The following RAD50 variants were observed in gnomAD, a reference collection of about 807,000 sequenced individuals.
The protein encoded by RAD50 is DNA repair protein RAD50.
In RAD50, 132 loss-of-function variants were observed where a neutral mutation model predicts 168.8. The observed-to-expected ratio is 0.78, with a 90% confidence interval of 0.68 to 0.90. RAD50 has a LOEUF of 0.90. Among genes scored for constraint, RAD50 ranks in the 40% least tolerant of loss-of-function variants. The probability of loss-of-function intolerance (pLI) is 0.00; values close to 1 mark genes in which losing one functional copy is unlikely to be tolerated. For missense variants in RAD50, 1,347 were observed against 1,534.4 expected (o/e 0.88, Z 2.04); for synonymous variants, 525 against 497.4 (o/e 1.06, Z -0.74).
chr5:132,590,331 G>T (rs1489934976), intron 9 of RAD50, among the ~76,000 whole-genome samples: 1 of 152,106 alleles, frequency 6.6e-6, no homozygotes, highest in Non-Finnish European at 1.5e-5. Context: ...TTAGCTGGGC[G>T]TGGTGGCGTG....
intron 3 of RAD50, among the ~76,000 whole-genome samples, chr5:132,577,252 A>C (rs1194046630): frequency 3.9e-5 from 6 of 152,142 alleles, no homozygotes; most frequent in African/African-American, 1.4e-4. Flanking sequence ...TCTCATATCA[A>C]ATCACTGTGA....
chr5:132,606,174 CAATG>C (rs1405421159), intron 16 of RAD50, among the ~76,000 whole-genome samples: 1 of 152,010 alleles, frequency 6.6e-6, no homozygotes, highest in African/African-American at 2.4e-5. Context: ...TCAAAAAAAT[CAATG>C]AATCCAGGAA....
At chr5:132,611,705 TAAAAAAAAAA>T (rs34112186) in intron 19 of RAD50, among the ~76,000 whole-genome samples, 5 of 102,972 alleles carry the variant, frequency 4.9e-5, no homozygotes, top group South Asian at 3.3e-4. Flanking sequence ...GACTCCGTCT[TAAAAAAAAAA>T]AAAAAAAAAA....
Position 132,587,629 on chromosome 5 carries a change from T to C in RAD50, c.824T>C (p.Leu275Ser). ...AAACTTGACAATGAAATTAAAGCCT[T>C]GGATAGCCGAAAGAAGCAAATGGAG... Reference protein sequence around the residue: ...IMKLDNEIKALDSRKKQMEKD... With the variant: ...IMKLDNEIKASDSRKKQMEKD... Residue 275 changes from leucine to serine, a missense_variant, in exon 6 of 25, where the codon TTG becomes TCG. This residue lies in a region of RAD50 where 703 missense variants were observed against 767.7 expected (regional missense o/e 0.92). Coordinates refer to ENST00000378823, the MANE Select transcript of RAD50 (RefSeq NM_005732.4). 1 of 1,613,858 alleles carries C rather than the reference T, an allele frequency of 6.2e-7. No individual in the cohort carries two copies. The highest frequency in any genetic ancestry group is 8.5e-7 in the Non-Finnish European group (1 of 1,179,882).
chr5:132,640,182 C>A (rs1227996233), intron 23 of RAD50, among the ~76,000 whole-genome samples: 2 of 152,058 alleles, frequency 1.3e-5, no homozygotes, highest in Non-Finnish European at 2.9e-5. Flanking sequence ...CTTTTTTATT[C>A]TCTCAGTCTC....
At chr5:132,564,289 A>G (rs973866643) in intron 2 of RAD50, among the ~76,000 whole-genome samples, 6 of 152,208 alleles carry the variant, frequency 3.9e-5, no homozygotes, top group Admixed American at 2.6e-4. Context: ...TGACAGTGAT[A>G]TGAATAATGA....
At chr5:132,635,024 A>G (rs896130547) in intron 21 of RAD50, among the ~76,000 whole-genome samples, 1 of 152,116 alleles carries the variant, frequency 6.6e-6, no homozygotes, top group Non-Finnish European at 1.5e-5. Flanking sequence ...CATACCTTAT[A>G]TACTTGGGAG....
chr5:132,574,201 A>G (rs1454988027), intron 2 of RAD50, among the ~76,000 whole-genome samples: 1 of 152,230 alleles, frequency 6.6e-6, no homozygotes, highest in Non-Finnish European at 1.5e-5. Flanking sequence ...CCCCTGCAGC[A>G]AACATCTGCC....
chr5:132,623,912 G>A (rs1263915666), intron 21 of RAD50, among the ~76,000 whole-genome samples: 3 of 152,184 alleles, frequency 2.0e-5, no homozygotes, highest in Non-Finnish European at 4.4e-5. Context: ...AACAAAGGTG[G>A]TCCCAGAATT....
At chr5:132,578,892 C>G (rs1750449382) in intron 3 of RAD50, among the ~76,000 whole-genome samples, 1 of 152,150 alleles carries the variant, frequency 6.6e-6, no homozygotes, top group Non-Finnish European at 1.5e-5. Flanking sequence ...GATATTGCCT[C>G]TGCTCACCAG....
At chr5:132,587,330 G>C (rs1750610898) in intron 5 of RAD50, among the ~76,000 whole-genome samples, 1 of 152,192 alleles carries the variant, frequency 6.6e-6, no homozygotes, top group African/African-American at 2.4e-5. Context: ...GGTGTTTGGA[G>C]TTAGAAGTGG....
At chr5:132,579,630 C>A in intron 4 of RAD50, 128 bp downstream of exon 4, 1 of 957,696 alleles carries the variant, frequency 1.0e-6, no homozygotes, top group Non-Finnish European at 1.6e-6. Context: ...TCTCATCCAG[C>A]AGCAACCATT....
At chr5:132,564,675 C>T (rs1750177514) in intron 2 of RAD50, among the ~76,000 whole-genome samples, 2 of 152,164 alleles carry the variant, frequency 1.3e-5, no homozygotes, top group African/African-American at 2.4e-5. Flanking sequence ...CAGAAATTTG[C>T]ATAAGTAAAG....
Position 132,568,325 on chromosome 5 carries a change from C to T in RAD50, c.214-7452C>T, listed in dbSNP as rs139255537. 3.7e-3 allele frequency among the ~76,000 whole-genome samples: 556 copies of T among 152,052 alleles called. 4 individuals carry two copies. Among genetic ancestry groups the T allele is most frequent in the African/African-American group, 0.011 (462 of 41,462 alleles). ...GTCTCGAACTCATGACCTTGTGATC[C>T]GCCTGCCTCGGCCTCCCAAAGTGCT... On this transcript the variant is annotated intron_variant, in intron 2 of 24. Coordinates refer to ENST00000378823, the MANE Select transcript of RAD50 (RefSeq NM_005732.4).
chr5:132,559,256 G>A (rs1750076846), intron 1 of RAD50, 28 bp from the exon 2 acceptor site: 25 of 1,575,924 alleles, frequency 1.6e-5, no homozygotes, highest in East Asian at 6.8e-5. Context: ...CTCTTATAAC[G>A]AAATAATGTA....
intron 2 of RAD50, among the ~76,000 whole-genome samples, chr5:132,569,191 A>G (rs1750259339): frequency 6.6e-6 from 1 of 152,214 alleles, no homozygotes. Flanking sequence ...TAACTCTTAT[A>G]AATATGCTCA....
At chr5:132,563,307 C>T (rs1214251888) in intron 2 of RAD50, among the ~76,000 whole-genome samples, 1 of 152,064 alleles carries the variant, frequency 6.6e-6, no homozygotes, top group Non-Finnish European at 1.5e-5. Context: ...GATCCATTGC[C>T]CAACTGGAGG....
chr5:132,614,079 CA>C (rs1251379005), intron 19 of RAD50, among the ~76,000 whole-genome samples: 1 of 152,058 alleles, frequency 6.6e-6, no homozygotes, highest in African/African-American at 2.4e-5. Context: ...TACTGTCTTT[CA>C]AAACTAGAAG....
intron 21 of RAD50, among the ~76,000 whole-genome samples, chr5:132,619,783 C>CTCTCTCT (rs760826671): frequency 8.0e-6 from 1 of 125,738 alleles, no homozygotes; most frequent in African/African-American, 3.5e-5. Context: ...CTTCCCTACT[C>CTCTCTCT]CTCTCTCTCT....
Sources: gnomAD v4.1 joint callset for allele counts (sites outside exome capture counted in the v4.1 genomes callset) on GRCh38, gnomAD v4.1.1 for gene constraint, gnomAD v4.1.1 regional missense constraint, MANE v1.5 for transcripts, NCBI Gene and HGNC (gene_info 2026-07-23, HGNC 2026-07-21) for gene names.